The following MAB21L4 variants were observed in gnomAD, a reference collection of about 807,000 sequenced individuals.
The protein encoded by MAB21L4 is mab-21 like 4.
Under a neutral mutation model 32.4 loss-of-function variants are expected in MAB21L4, and 25 were observed. That is an observed-to-expected ratio of 0.77 (90% CI 0.56 to 1.08). The LOEUF is 1.08. Among genes scored for constraint, MAB21L4 ranks in the 50% least tolerant of loss-of-function variants. MAB21L4 has a pLI of 0.00. For missense variants in MAB21L4, 638 were observed against 611.0 expected (o/e 1.04, Z -0.47); for synonymous variants, 280 against 276.8 (o/e 1.01, Z -0.11).
intron 2 of MAB21L4, 66 bp downstream of exon 2, chr2:240,891,472 G>T: frequency 7.0e-7 from 1 of 1,421,690 alleles, no homozygotes; most frequent in Non-Finnish European, 9.5e-7. Flanking sequence ...GGCCAGGGGA[G>T]CATGGGGGCA....
chr2:240,896,202 G>A (rs2059186751), upstream of MAB21L4: 2 of 1,256,986 alleles, frequency 1.6e-6, no homozygotes, highest in East Asian at 6.1e-5. Context: ...TGAAGTGGGG[G>A]TGAGTCAGTC....
At position 240,896,039 on chromosome 2, in the gene MAB21L4, G is replaced by T; in HGVS notation, c.-42C>A. ...GGTGAGGGCCAGTGGCCCCTGAGGA[G>T]GACTCCGCAGGCCAGCTGTGCAGAT... On this transcript the variant is annotated 5_prime_UTR_variant, in exon 1 of 5. Transcript: ENST00000388934. The T allele has an allele frequency of 7.0e-7, 1 of 1,419,318 alleles. No individual in the cohort carries two copies. Among genetic ancestry groups the T allele is most frequent in the Admixed American group, 3.1e-5 (1 of 32,714 alleles). The allele number at this position is 1,419,318 out of a possible 1,614,324, so 87.9% of individuals were successfully genotyped here.
chr2:240,894,147 C>T (rs1388535228), intron 1 of MAB21L4, among the ~76,000 whole-genome samples: 5 of 151,912 alleles, frequency 3.3e-5, no homozygotes, highest in Non-Finnish European at 5.9e-5. Context: ...AGGAGGTGCC[C>T]CTGCCTCCAG....
chr2:240,894,659 G>T (rs1484879845), intron 1 of MAB21L4, among the ~76,000 whole-genome samples: 2 of 152,194 alleles, frequency 1.3e-5, no homozygotes, highest in East Asian at 3.9e-4. Context: ...ACAAAAATTA[G>T]CTAGGCGTGG....
At chr2:240,894,026 G>A (rs1474468028) in intron 1 of MAB21L4, among the ~76,000 whole-genome samples, 1 of 152,038 alleles carries the variant, frequency 6.6e-6, no homozygotes, top group Non-Finnish European at 1.5e-5. Context: ...CAGGGCACTA[G>A]ACAGGTCTGG....
chr2:240,891,878 G>T, intron 1 of MAB21L4, 115 bp from the exon 2 acceptor site: 1 of 1,579,368 alleles, frequency 6.3e-7, no homozygotes. Flanking sequence ...CTCACCTGCA[G>T]CCCTCTCTGC....
chr2:240,888,074 C>G (rs2059110940), intron 4 of MAB21L4, among the ~76,000 whole-genome samples: 1 of 152,196 alleles, frequency 6.6e-6, no homozygotes, highest in Non-Finnish European at 1.5e-5. Flanking sequence ...GGGAGAAGCC[C>G]CAGGCCCTGT....
chr2:240,896,069 T>C lies in MAB21L4; in HGVS notation c.-72A>G. The C allele has an allele frequency of 7.2e-7, 1 of 1,392,232 alleles. No homozygotes were observed. The highest frequency in any genetic ancestry group is 9.3e-7 in the Non-Finnish European group (1 of 1,080,006). The allele number at this position is 1,392,232 out of a possible 1,614,324, so 86.2% of individuals were successfully genotyped here. On this transcript the variant is annotated 5_prime_UTR_variant, in exon 1 of 5. Coordinates refer to ENST00000388934, the MANE Select transcript of MAB21L4 (RefSeq NM_001085437.3). ...CCGCAGGCCAGCTGTGCAGATGGGC[T>C]GTGAGGAGGCACCTGCCCAGGTGAG...
chr2:240,892,854 C>T (rs373300681), intron 1 of MAB21L4, among the ~76,000 whole-genome samples: 11 of 152,180 alleles, frequency 7.2e-5, no homozygotes, highest in African/African-American at 2.7e-4. Flanking sequence ...CCCAGAGTCC[C>T]TGGAGGGCCT....
chr2:240,890,257 G>A (rs761140806), intron 2 of MAB21L4, 99 bp from the exon 3 acceptor site: 107 of 1,413,932 alleles, frequency 7.6e-5, no homozygotes, highest in East Asian at 3.1e-4. Flanking sequence ...GGCCAGGGTC[G>A]TGCTGTGCTG....
intron 2 of MAB21L4, 72 bp downstream of exon 2, chr2:240,891,466 A>C: frequency 1.4e-6 from 2 of 1,396,134 alleles, no homozygotes; most frequent in East Asian, 2.3e-5. Context: ...GGCTGGGGCC[A>C]GGGGAGCATG....
chr2:240,892,987 G>A lies in MAB21L4; in HGVS notation c.515-1224C>T, dbSNP rs1199043444. On this transcript the variant is annotated intron_variant, in intron 1 of 4. Coordinates refer to ENST00000388934, the MANE Select transcript of MAB21L4 (RefSeq NM_001085437.3). ...ACAAATTAATATCCGAGAATGAAGA[G>A]GTGAGGTGTCACTCAGGGTGACTGC... Among the ~76,000 whole-genome samples, 3 of 152,074 alleles carry A rather than the reference G, an allele frequency of 2.0e-5. No individual in the cohort carries two copies. In the East Asian group the frequency reaches 5.8e-4, roughly 29 times the overall value.
chr2:240,890,264 G>A (rs2059133414), intron 2 of MAB21L4, 106 bp from the exon 3 acceptor site: 1 of 1,362,846 alleles, frequency 7.3e-7, no homozygotes, highest in Non-Finnish European at 9.7e-7. Flanking sequence ...GTCGTGCTGT[G>A]CTGCGTCTGC....
In MAB21L4 at chr2:240,896,046, G is replaced by A. The variant is rs114785245; in HGVS notation, c.-49C>T. The A allele has an allele frequency of 1.6e-5, 22 of 1,415,666 alleles. No homozygotes were observed. The highest frequency in any genetic ancestry group is 1.2e-4 in the Admixed American group (4 of 32,308). The allele number at this position is 1,415,666 out of a possible 1,614,324, so 87.7% of individuals were successfully genotyped here. On this transcript the variant is annotated 5_prime_UTR_variant, in exon 1 of 5. Transcript: ENST00000388934. ...GCCAGTGGCCCCTGAGGAGGACTCC[G>A]CAGGCCAGCTGTGCAGATGGGCTGT...
chr2:240,890,930 G>A (rs567204851), intron 2 of MAB21L4, among the ~76,000 whole-genome samples: 2 of 152,222 alleles, frequency 1.3e-5, no homozygotes, highest in Non-Finnish European at 2.9e-5. Context: ...CCTTGCAGGG[G>A]AAAACCACAG....
intron 4 of MAB21L4, among the ~76,000 whole-genome samples, chr2:240,887,408 G>GGTGC (rs2059105307): frequency 6.6e-6 from 1 of 152,248 alleles, no homozygotes; most frequent in African/African-American, 2.4e-5. Context: ...GGCCCCACAC[G>GGTGC]GTGCTGCTTG....
chr2:240,891,916 C>G, intron 1 of MAB21L4, 153 bp from the exon 2 acceptor site: 1 of 1,573,338 alleles, frequency 6.4e-7, no homozygotes, highest in Non-Finnish European at 8.6e-7. Context: ...CTGCAGCTCC[C>G]CAACCCCAGA....
At chr2:240,889,009 C>A (rs1193226970) in intron 3 of MAB21L4, among the ~76,000 whole-genome samples, 2 of 111,862 alleles carry the variant, frequency 1.8e-5, no homozygotes, top group African/African-American at 2.7e-5. Context: ...TCCTACTCAC[C>A]CCCTGCAGCC....
At chr2:240,887,222 C>T in intron 4 of MAB21L4, 60 bp from the exon 5 acceptor site, 5 of 1,407,928 alleles carry the variant, frequency 3.6e-6, no homozygotes, top group Non-Finnish European at 5.0e-6. Context: ...ATGATAAGCT[C>T]TCAGGGCCGA....
Sources: gnomAD v4.1 joint callset for allele counts (sites outside exome capture counted in the v4.1 genomes callset) on GRCh38, gnomAD v4.1.1 for gene constraint, MANE v1.5 for transcripts, NCBI Gene and HGNC (gene_info 2026-07-23, HGNC 2026-07-21) for gene names.